NCKAP5: variants seen among roughly 807,000 people sequenced by gnomAD.
NCKAP5 encodes the protein nck-associated protein 5.
Under a neutral mutation model 167.0 loss-of-function variants are expected in NCKAP5, and 92 were observed. That is an observed-to-expected ratio of 0.55 (90% CI 0.47 to 0.66). The LOEUF (loss-of-function observed/expected upper bound fraction) is 0.66. Ranked by LOEUF, NCKAP5 falls within the 30% of genes least tolerant of loss-of-function variation. NCKAP5 has a pLI of 0.00. For missense variants in NCKAP5, 2,378 were observed against 2,315.0 expected (o/e 1.03, Z -0.56); for synonymous variants, 891 against 877.4 (o/e 1.02, Z -0.27).
chr2:133,233,199 A>T (rs1005846086), intron 4 of NCKAP5, among the ~76,000 whole-genome samples: 6 of 152,226 alleles, frequency 3.9e-5, no homozygotes, highest in African/African-American at 1.4e-4. Flanking sequence ...TTAATTCAGC[A>T]TTATATTCAT....
chr2:133,369,522 A>G (rs1685666253), intron 3 of NCKAP5, among the ~76,000 whole-genome samples: 1 of 152,240 alleles, frequency 6.6e-6, no homozygotes, highest in Non-Finnish European at 1.5e-5. Flanking sequence ...AGGTTTGAGC[A>G]CTAAGGCCAA....
At chr2:133,591,540 C>T in the NCKAP5 span, among the ~76,000 whole-genome samples, 1 of 152,146 alleles carries the variant, frequency 6.6e-6, no homozygotes. Context: ...AAATCCTGGT[C>T]GTCTAAAAAC....
At chr2:132,995,762 GT>G (rs2077578789) in intron 6 of NCKAP5, among the ~76,000 whole-genome samples, 1 of 151,988 alleles carries the variant, frequency 6.6e-6, no homozygotes, top group Admixed American at 6.5e-5. Flanking sequence ...ATCACCTGAG[GT>G]CATGAGTTCA....
intron 1 of NCKAP5, among the ~76,000 whole-genome samples, chr2:133,567,168 C>T (rs1020611459): frequency 6.6e-6 from 1 of 152,176 alleles, no homozygotes; most frequent in Non-Finnish European, 1.5e-5. Context: ...GCTGGGCTGT[C>T]AGGTCTAGAG....
At chr2:132,814,915 T>C (rs1347681199) in intron 11 of NCKAP5, among the ~76,000 whole-genome samples, 4 of 152,206 alleles carry the variant, frequency 2.6e-5, no homozygotes, top group Non-Finnish European at 4.4e-5. Flanking sequence ...TAATCAAGCA[T>C]GTCTGGAGTT....
At position 133,479,994 on chromosome 2, in the gene NCKAP5, T is replaced by C. The variant is rs180922869; in HGVS notation, c.69+37464A>G. On this transcript the variant is annotated intron_variant, in intron 3 of 19. Transcript: ENST00000409261. ...TCACCCAGGCTGGAATACAGTGGCATGATCTCTGCTCACTGCTACCTCCAC... is the reference window on the plus strand; with the variant it reads ...TCACCCAGGCTGGAATACAGTGGCACGATCTCTGCTCACTGCTACCTCCAC... 3.2e-4 allele frequency among the ~76,000 whole-genome samples: 49 copies of C among 151,112 alleles called. 1 individual carries two copies. Among genetic ancestry groups the C allele is most frequent in the African/African-American group, 1.2e-3 (49 of 41,138 alleles).
the NCKAP5 span, among the ~76,000 whole-genome samples, chr2:133,645,771 A>G: frequency 7.9e-5 from 12 of 152,270 alleles, no homozygotes; most frequent in African/African-American, 2.9e-4. Flanking sequence ...AATAAGAGTT[A>G]CAAGCTATAA....
At chr2:132,821,857 G>A (rs77362501) in intron 11 of NCKAP5, among the ~76,000 whole-genome samples, 3,662 of 152,192 alleles carry the variant, frequency 0.024, 160 homozygotes, top group African/African-American at 0.083. Context: ...CACAGTGGCC[G>A]TGGCAAGCTC....
At position 132,920,725 on chromosome 2, in the gene NCKAP5, A is replaced by T. The variant is rs1208447971; in HGVS notation, c.580-41809T>A. The stretch of plus-strand genomic sequence containing the variant: ...TACGTATATGTATATATATGTATAT[A>T]TATATATGTATATATATGTGTATAT... On this transcript the variant is annotated intron_variant, in intron 8 of 19. Coordinates refer to ENST00000409261, the MANE Select transcript of NCKAP5 (RefSeq NM_207363.3). 6.2e-4 allele frequency among the ~76,000 whole-genome samples: 68 copies of T among 109,554 alleles called. 2 individuals carry two copies. Among genetic ancestry groups the T allele is most frequent in the African/African-American group, 2.6e-3 (65 of 24,776 alleles). The allele number at this position is 109,554 out of a possible 152,430, so 71.9% of individuals were successfully genotyped here. A position where few individuals can be genotyped will look rare whatever the true frequency, so the allele number is the denominator to read the frequency against.
At chr2:133,460,108 T>G (rs1160869043) in intron 3 of NCKAP5, among the ~76,000 whole-genome samples, 1 of 152,210 alleles carries the variant, frequency 6.6e-6, no homozygotes, top group East Asian at 1.9e-4. Flanking sequence ...CTGTCTCCAT[T>G]GGATGCATAA....
intron 15 of NCKAP5, among the ~76,000 whole-genome samples, chr2:132,776,600 A>G (rs890818169): frequency 3.9e-5 from 6 of 152,236 alleles, no homozygotes; most frequent in Admixed American, 3.3e-4. Flanking sequence ...ATGAAGAAGC[A>G]GCAAGAAAAT....
intron 1 of NCKAP5, among the ~76,000 whole-genome samples, chr2:133,560,142 G>A (rs1286018080): frequency 6.6e-6 from 1 of 152,150 alleles, no homozygotes; most frequent in Non-Finnish European, 1.5e-5. Flanking sequence ...GAGTCCACAG[G>A]CATTTTGACT....
intron 3 of NCKAP5, among the ~76,000 whole-genome samples, chr2:133,381,292 T>C (rs1686503044): frequency 6.6e-6 from 1 of 152,166 alleles, no homozygotes; most frequent in Non-Finnish European, 1.5e-5. Context: ...TCTCAATGGA[T>C]ATCACAGGTA....
chr2:133,621,302 C>CA, the NCKAP5 span, among the ~76,000 whole-genome samples: 1,135 of 150,868 alleles, frequency 7.5e-3, 14 homozygotes, highest in African/African-American at 0.025. Context: ...TGAAACAAAA[C>CA]AAAAAAAATA....
At chr2:133,476,981 C>T (rs1248402026) in intron 3 of NCKAP5, among the ~76,000 whole-genome samples, 2 of 152,204 alleles carry the variant, frequency 1.3e-5, no homozygotes, top group Non-Finnish European at 2.9e-5. Flanking sequence ...GCTACCACAA[C>T]AGAACCAAGC....
At chr2:133,399,707 T>C (rs1313262138) in intron 3 of NCKAP5, among the ~76,000 whole-genome samples, 1 of 152,144 alleles carries the variant, frequency 6.6e-6, no homozygotes, top group Non-Finnish European at 1.5e-5. Flanking sequence ...TTCATCACAT[T>C]TTCAAGTAAC....
chr2:133,660,237 T>C, the NCKAP5 span, among the ~76,000 whole-genome samples: 1 of 152,240 alleles, frequency 6.6e-6, no homozygotes, highest in Non-Finnish European at 1.5e-5. Flanking sequence ...CTCATTCTCT[T>C]TCTTACCTGT....
chr2:133,291,552 A>G (rs1036585799), intron 4 of NCKAP5, among the ~76,000 whole-genome samples: 25 of 152,244 alleles, frequency 1.6e-4, no homozygotes, highest in Admixed American at 1.4e-3. Context: ...AGTACCTTTA[A>G]CTTTCTCTCT....
At chr2:133,356,033 C>G (rs1157144208) in intron 3 of NCKAP5, among the ~76,000 whole-genome samples, 1 of 151,956 alleles carries the variant, frequency 6.6e-6, no homozygotes, top group Non-Finnish European at 1.5e-5. Context: ...CTTCAGAGAT[C>G]CTCTTGCTTC....
Sources: allele counts gnomAD v4.1 joint callset (sites outside exome capture counted in the v4.1 genomes callset), GRCh38; gene constraint gnomAD v4.1.1; transcripts MANE v1.5; gene names NCBI Gene and HGNC (gene_info 2026-07-23, HGNC 2026-07-21).